PRKG1: variants seen among roughly 807,000 people sequenced by gnomAD.
PRKG1 encodes cGMP-dependent protein kinase 1.
PRKG1 carries 35 observed loss-of-function variants against 88.1 expected under a neutral mutation model. The ratio of observed to expected loss-of-function variants is 0.40; its 90% CI spans 0.30 to 0.53. PRKG1 has a LOEUF of 0.53. Ranked by LOEUF, PRKG1 falls within the 20% of genes least tolerant of loss-of-function variation. PRKG1 has a pLI of 0.59. For missense variants in PRKG1, 540 were observed against 839.8 expected (o/e 0.64, Z 4.41); for synonymous variants, 303 against 292.5 (o/e 1.04, Z -0.37).
chr10:51,825,537 T>C (rs1379179092), intron 4 of PRKG1, among the ~76,000 whole-genome samples: 1 of 151,970 alleles, frequency 6.6e-6, no homozygotes, highest in Non-Finnish European at 1.5e-5. Context: ...AGTACAGAGA[T>C]GGGAAAATTT....
chr10:51,386,053 T>G (rs1202178097), intron 2 of PRKG1, among the ~76,000 whole-genome samples: 1 of 152,182 alleles, frequency 6.6e-6, no homozygotes, highest in African/African-American at 2.4e-5. Flanking sequence ...TTAAATTTAC[T>G]AAAAAGCAGT....
chr10:52,287,793 A>G (rs781402873), intron 14 of PRKG1, among the ~76,000 whole-genome samples: 2 of 151,992 alleles, frequency 1.3e-5, no homozygotes, highest in Non-Finnish European at 2.9e-5. Context: ...GTGTTAAATT[A>G]TCTAATGAGG....
intron 2 of PRKG1, among the ~76,000 whole-genome samples, chr10:51,375,243 CTG>C (rs148466325): frequency 0.027 from 4,054 of 152,074 alleles, 152 homozygotes; most frequent in African/African-American, 0.089. Context: ...GAGTCTTCTT[CTG>C]TGAGTGAAAA....
Position 51,153,151 on chromosome 10 carries a change from T to A in PRKG1, c.312-13T>A. The A allele has an allele frequency of 6.2e-7, 1 of 1,607,988 alleles. No individual in the cohort carries two copies. The highest frequency in any genetic ancestry group is 1.1e-5 in the South Asian group (1 of 90,362). On this transcript the variant is annotated splice_polypyrimidine_tract_variant and intron_variant, in intron 1 of 17. Transcript: ENST00000373980. ...GTCAGATGTGCCAGTAAATCTTCCC[T>A]CTCTTGCCATAGGTCCAAGGATCTT...
At chr10:52,054,618 A>T in intron 6 of PRKG1, 57 bp downstream of exon 6, 1 of 1,454,132 alleles carries the variant, frequency 6.9e-7, no homozygotes, top group Non-Finnish European at 9.7e-7. Flanking sequence ...GTTGGTTAGT[A>T]ACTCCAGTAG....
rs769652136 is a variant in PRKG1, at chr10:51,146,045, C to T, written c.312-7119C>T. On this transcript the variant is annotated intron_variant, in intron 1 of 17. Transcript: ENST00000373980. ...CAAACAAACAAACAAAAAAAACAGC[C>T]AGGCATGGTGGCAGGTGCCTGCAGC... Among the ~76,000 whole-genome samples the T allele has an allele frequency of 2.6e-4, 39 of 151,952 alleles. 1 individual carries two copies. Among genetic ancestry groups the T allele is most frequent in the Non-Finnish European group, 2.8e-4 (19 of 68,000 alleles).
intron 2 of PRKG1, among the ~76,000 whole-genome samples, chr10:51,283,661 AT>A (rs1271074833): frequency 6.6e-6 from 1 of 152,196 alleles, no homozygotes; most frequent in African/African-American, 2.4e-5. Flanking sequence ...CACTGAGAGT[AT>A]CTTACACTGA....
chr10:51,374,088 A>G (rs1242838414), intron 2 of PRKG1, among the ~76,000 whole-genome samples: 1 of 127,272 alleles, frequency 7.9e-6, no homozygotes, highest in East Asian at 2.2e-4. Flanking sequence ...GTTGCAAAAA[A>G]AAAAAATATA....
At chr10:51,434,146 T>C (rs1385603283) in intron 2 of PRKG1, among the ~76,000 whole-genome samples, 1 of 152,148 alleles carries the variant, frequency 6.6e-6, no homozygotes, top group Non-Finnish European at 1.5e-5. Flanking sequence ...AGCTGGTGCC[T>C]GGCTGCTGAA....
intron 5 of PRKG1, among the ~76,000 whole-genome samples, chr10:52,032,617 A>G (rs1020994551): frequency 4.6e-5 from 7 of 152,310 alleles, no homozygotes; most frequent in African/African-American, 1.4e-4. Context: ...AAATCAGCAG[A>G]ATTTTAATTA....
intron 1 of PRKG1, among the ~76,000 whole-genome samples, chr10:51,108,426 C>T (rs1844900487): frequency 2.0e-5 from 3 of 151,692 alleles, no homozygotes; most frequent in South Asian, 2.1e-4. Flanking sequence ...GTGTACATCC[C>T]ATGAATGTGA....
chr10:51,745,551 G>T (rs1006280717), intron 3 of PRKG1, among the ~76,000 whole-genome samples: 7 of 151,952 alleles, frequency 4.6e-5, no homozygotes, highest in African/African-American at 1.7e-4. Context: ...GCAAATATAT[G>T]TACATATACA....
At chr10:51,914,170 C>T (rs1842286416) in intron 5 of PRKG1, among the ~76,000 whole-genome samples, 1 of 151,822 alleles carries the variant, frequency 6.6e-6, no homozygotes, top group African/African-American at 2.4e-5. Flanking sequence ...AGAAATAGCT[C>T]CCTTTAATTA....
At chr10:52,140,345 C>G (rs982442216) in intron 8 of PRKG1, among the ~76,000 whole-genome samples, 6 of 147,146 alleles carry the variant, frequency 4.1e-5, no homozygotes, top group African/African-American at 1.5e-4. Flanking sequence ...CAGTGCTGCT[C>G]CTCCTGATGC....
At chr10:51,860,343 C>T (rs909809452) in intron 4 of PRKG1, among the ~76,000 whole-genome samples, 1 of 152,178 alleles carries the variant, frequency 6.6e-6, no homozygotes, top group Non-Finnish European at 1.5e-5. Flanking sequence ...CCTGAAAGAA[C>T]AGCTATTTAT....
intron 2 of PRKG1, among the ~76,000 whole-genome samples, chr10:51,198,221 A>C (rs1488503988): frequency 6.6e-6 from 1 of 152,086 alleles, no homozygotes. Flanking sequence ...TCTTAGACTC[A>C]ACTGGAGTTT....
At chr10:52,024,494 G>A (rs1053857810) in intron 5 of PRKG1, among the ~76,000 whole-genome samples, 8 of 150,496 alleles carry the variant, frequency 5.3e-5, no homozygotes, top group South Asian at 2.1e-4. Flanking sequence ...CCCACCCCAC[G>A]ACAGGCCCCA....
intron 5 of PRKG1, among the ~76,000 whole-genome samples, chr10:51,996,669 T>G (rs1044326822): frequency 6.6e-6 from 1 of 152,160 alleles, no homozygotes; most frequent in South Asian, 2.1e-4. Context: ...AAGGGAACCC[T>G]TGGACACTGT....
chr10:51,855,583 G>C lies in PRKG1; in HGVS notation c.698+50893G>C, dbSNP rs1840660182. Among the ~76,000 whole-genome samples the C allele has an allele frequency of 2.0e-5, 3 of 152,120 alleles. 1 individual carries two copies. Among genetic ancestry groups the C allele is most frequent in the Admixed American group, 2.0e-4 (3 of 15,270 alleles). ...ATTTGGCAAGCATGAAATTGAATTTGCTTCTAAATCCCAGGCAACAAATTA... is the reference window on the plus strand; with the variant it reads ...ATTTGGCAAGCATGAAATTGAATTTCCTTCTAAATCCCAGGCAACAAATTA... On this transcript the variant is annotated intron_variant, in intron 4 of 17. Coordinates refer to ENST00000373980, the MANE Select transcript of PRKG1 (RefSeq NM_006258.4).
Sources: allele counts gnomAD v4.1 joint callset (sites outside exome capture counted in the v4.1 genomes callset), GRCh38; gene constraint gnomAD v4.1.1; transcripts MANE v1.5; gene names NCBI Gene and HGNC (gene_info 2026-07-23, HGNC 2026-07-21).